Variants in LUC7L3 observed in about 807,000 individuals in gnomAD.
LUC7L3 encodes luc7-like protein 3.
LUC7L3 carries 6 observed loss-of-function variants against 66.8 expected under a neutral mutation model. The ratio of observed to expected loss-of-function variants is 0.09; its 90% CI spans 0.05 to 0.18. LUC7L3 has a LOEUF of 0.18. LUC7L3 is among the 10% of genes least tolerant of loss of function. The pLI is 1.00. For missense variants in LUC7L3, 341 were observed against 531.1 expected, an observed-to-expected ratio of 0.64 and a Z score of 3.52; for synonymous variants, 160 against 174.7, an observed-to-expected ratio of 0.92 and a Z score of 0.66.
At chr17:50,748,959 G>C (rs942951938) in intron 9 of LUC7L3, among the ~76,000 whole-genome samples, 2 of 152,084 alleles carry the variant, frequency 1.3e-5, no homozygotes, top group Non-Finnish European at 2.9e-5. Flanking sequence ...TGAAGATCTG[G>C]ACTTTGGGAC....
chr17:50,741,799 G>A, intron 5 of LUC7L3, 68 bp downstream of exon 5: 4 of 1,216,500 alleles, frequency 3.3e-6, no homozygotes, highest in South Asian at 1.2e-5. Context: ...AAAATACAAG[G>A]ATGGGCCAGG....
chr17:50,729,685 G>C (rs1031541905), intron 1 of LUC7L3, among the ~76,000 whole-genome samples: 1 of 151,802 alleles, frequency 6.6e-6, no homozygotes, highest in African/African-American at 2.4e-5. Flanking sequence ...ATACAGACAT[G>C]GGGAGAACTT....
At chr17:50,720,895 A>G (rs1236722232) in intron 1 of LUC7L3, among the ~76,000 whole-genome samples, 3 of 152,196 alleles carry the variant, frequency 2.0e-5, no homozygotes, top group African/African-American at 7.2e-5. Flanking sequence ...GTTTGGCTCA[A>G]GTTGTGTTGG....
intron 1 of LUC7L3, among the ~76,000 whole-genome samples, chr17:50,730,177 G>C (rs981379175): frequency 1.3e-5 from 2 of 151,552 alleles, no homozygotes; most frequent in Admixed American, 6.6e-5. Flanking sequence ...TTGCCACGTT[G>C]CCCGGGCTGG....
intron 1 of LUC7L3, among the ~76,000 whole-genome samples, chr17:50,726,014 C>T (rs1239868121): frequency 6.6e-6 from 1 of 152,180 alleles, no homozygotes; most frequent in African/African-American, 2.4e-5. Flanking sequence ...TGTTGCCAGG[C>T]TCCACTTAAA....
rs140922866 is a variant in LUC7L3 at position 50,750,533 on chromosome 17, G to A, written c.1171G>A (p.Val391Met). 3.5e-4 allele frequency: 563 copies of A among 1,613,830 alleles called. 3 individuals are homozygous for A. Among genetic ancestry groups the A allele is most frequent in the Middle Eastern group, 1.6e-3 (10 of 6,082 alleles). Residue 391 changes from valine to methionine, a missense_variant, in exon 10 of 10, where the codon GTG becomes ATG. Physicochemically the swap from Val to Met is conservative, Grantham distance 21. Coordinates refer to ENST00000505658, the MANE Select transcript of LUC7L3 (RefSeq NM_016424.5). ...KRGSDDKKSSVKSGSREKQSE... is the reference protein window; with the variant it reads ...KRGSDDKKSSMKSGSREKQSE... ...GGGATCTGATGATAAAAAAAGTAGT[G>A]TGAAGTCCGGTAGTCGAGAAAAGCA... is the stretch of plus-strand genomic sequence containing the variant.
chr17:50,739,737 G>A (rs1054197389), intron 2 of LUC7L3, among the ~76,000 whole-genome samples: 13 of 152,126 alleles, frequency 8.5e-5, no homozygotes, highest in African/African-American at 2.2e-4. Flanking sequence ...ACAGTGAATA[G>A]TACTTGCATA....
In LUC7L3 at chr17:50,752,071, T is replaced by G; in HGVS notation, c.*1410T>G. 1 of 1,163,616 alleles carries G rather than the reference T, an allele frequency of 8.6e-7. No homozygotes were observed. 72.1% of individuals were successfully genotyped at this position (1,163,616 alleles called of 1,614,324 possible). A position where few individuals can be genotyped will look rare whatever the true frequency, so the allele number is the denominator to read the frequency against. ...AGAACCACACTGATGCCTTGATAAT[T>G]AAAAAGAATACAAGCATTCCATGTA... On this transcript the variant is annotated 3_prime_UTR_variant, in exon 10 of 10. Coordinates refer to ENST00000505658, the MANE Select transcript of LUC7L3 (RefSeq NM_016424.5).
chr17:50,738,515 C>T (rs1036954956), intron 2 of LUC7L3, among the ~76,000 whole-genome samples: 1 of 152,020 alleles, frequency 6.6e-6, no homozygotes, highest in African/African-American at 2.4e-5. Flanking sequence ...TGAGAAGACA[C>T]TATATTCTTC....
At chr17:50,739,112 T>C (rs574627021) in intron 2 of LUC7L3, among the ~76,000 whole-genome samples, 4 of 152,140 alleles carry the variant, frequency 2.6e-5, no homozygotes, top group African/African-American at 9.6e-5. Context: ...CACCAAAACA[T>C]GTCCATAAAC....
intron 4 of LUC7L3, 115 bp downstream of exon 4, chr17:50,741,361 A>T (rs1023498663): frequency 7.4e-6 from 8 of 1,080,648 alleles, no homozygotes; most frequent in Admixed American, 5.9e-5. Flanking sequence ...TTAAAATGAT[A>T]TGAAACTTAT....
chr17:50,724,269 C>CCTG, intron 1 of LUC7L3: 1 of 174,678 alleles, frequency 5.7e-6, no homozygotes, highest in Non-Finnish European at 1.2e-5. Context: ...CACCTGTAAT[C>CCTG]TCAACATTGG....
intron 1 of LUC7L3, among the ~76,000 whole-genome samples, chr17:50,734,727 T>A (rs956998435): frequency 3.3e-5 from 5 of 152,224 alleles, no homozygotes; most frequent in Non-Finnish European, 7.3e-5. Context: ...CATAAAGCTG[T>A]ATCAGAGTAA....
chr17:50,740,241 T>TA, intron 2 of LUC7L3, 65 bp from the exon 3 acceptor site: 1 of 1,246,492 alleles, frequency 8.0e-7, no homozygotes, highest in East Asian at 2.4e-5. Flanking sequence ...ATAACTCTTT[T>TA]TTTTTGGCAA....
intron 5 of LUC7L3, among the ~76,000 whole-genome samples, chr17:50,742,509 C>T (rs1318469003): frequency 1.3e-5 from 2 of 152,040 alleles, no homozygotes; most frequent in African/African-American, 2.4e-5. Flanking sequence ...CAGGTGTGCG[C>T]CACCATCCCC....
In LUC7L3 at chr17:50,754,962, T is replaced by A. The variant is rs923300116; in HGVS notation, c.*4301T>A. The A allele has an allele frequency of 6.6e-6, 1 of 152,198 alleles. No individual in the cohort carries two copies. The highest frequency in any genetic ancestry group is 1.5e-5 in the Non-Finnish European group (1 of 68,034). 9.4% of individuals were successfully genotyped at this position (152,198 alleles called of 1,614,324 possible). A position where few individuals can be genotyped will look rare whatever the true frequency, so the allele number is the denominator to read the frequency against. Reference sequence around the variant, plus strand: ...TCTGAGCCCTCATCCATTCTGTTTTTAAAAATGCATTGCAGATGGGCTATG... The same window carrying A: ...TCTGAGCCCTCATCCATTCTGTTTTAAAAAATGCATTGCAGATGGGCTATG... On this transcript the variant is annotated 3_prime_UTR_variant, in exon 10 of 10. Transcript: ENST00000505658.
intron 1 of LUC7L3, chr17:50,723,882 G>A (rs745362977): frequency 2.5e-5 from 11 of 436,404 alleles, no homozygotes; most frequent in African/African-American, 1.4e-4. Context: ...TGATCGGTCC[G>A]CCTCAGTCTC....
chr17:50,724,642 TGTGTC>T (rs1231841156), intron 1 of LUC7L3, among the ~76,000 whole-genome samples: 3 of 144,990 alleles, frequency 2.1e-5, no homozygotes, highest in Non-Finnish European at 4.6e-5. Context: ...TGTGTGTGTG[TGTGTC>T]ATTATATATG....
At chr17:50,730,683 G>A (rs1296968906) in intron 1 of LUC7L3, among the ~76,000 whole-genome samples, 1 of 152,050 alleles carries the variant, frequency 6.6e-6, no homozygotes, top group East Asian at 1.9e-4. Context: ...GCTCATGCCT[G>A]TAATCCCAGC....
Sources: allele counts gnomAD v4.1 joint callset (sites outside exome capture counted in the v4.1 genomes callset), GRCh38; gene constraint gnomAD v4.1.1; transcripts MANE v1.5; gene names NCBI Gene and HGNC (gene_info 2026-07-23, HGNC 2026-07-21).